Variants in C15orf40 observed in about 807,000 individuals in gnomAD.
C15orf40 encodes the protein chromosome 15 open reading frame 40, also known as UPF0235 protein C15orf40.
C15orf40 carries 9 observed loss-of-function variants against 13.9 expected under a neutral mutation model. The observed-to-expected ratio is 0.65, with a 90% CI of 0.39 to 1.13. C15orf40 has a LOEUF of 1.13. Among genes scored for constraint, C15orf40 ranks in the 50% most tolerant of loss-of-function variants. The pLI, the probability that C15orf40 is intolerant of heterozygous loss-of-function variation, is 0.01. For synonymous variants in C15orf40, 95 were observed against 69.2 expected (o/e 1.37, Z -1.85); for missense variants, 225 against 188.5 (o/e 1.19, Z -1.13).
At chr15:83,006,290 A>G (rs1180117314) in intron 3 of C15orf40, 1 of 779,260 alleles carries the variant, frequency 1.3e-6, no homozygotes, top group Non-Finnish European at 1.6e-6. Context: ...TTAAAAATGA[A>G]AATCATCTTT....
chr15:82,989,074 T>A (rs145249302), downstream of C15orf40: 57 of 1,613,820 alleles, frequency 3.5e-5, no homozygotes, highest in African/African-American at 7.2e-4. Context: ...GCTAGTAGAT[T>A]CACAGAAAAT....
Position 83,004,827 on chromosome 15 carries a change from G to C in C15orf40, c.*770C>G. The C allele has an allele frequency of 7.8e-7, 1 of 1,278,510 alleles. No individual in the cohort carries two copies. Among genetic ancestry groups the C allele is most frequent in the Non-Finnish European group, 1.0e-6 (1 of 972,650 alleles). 79.2% of individuals were successfully genotyped at this position (1,278,510 alleles called of 1,614,324 possible). On this transcript the variant is annotated 3_prime_UTR_variant, in exon 4 of 4. Transcript: ENST00000304177. The stretch of plus-strand genomic sequence containing the variant: ...TTTCTGTCACTTGTAAACTGGATTA[G>C]AAGGCAATCCCCAGAATTCCAGAAC...
At chr15:83,005,730 C>T in intron 3 of C15orf40, 38 bp from the exon 4 acceptor site, 3 of 1,596,436 alleles carry the variant, frequency 1.9e-6, no homozygotes, top group Non-Finnish European at 2.6e-6. Flanking sequence ...TACTGTTTAG[C>T]ACATTCTAAT....
chr15:83,005,114 T>G lies in C15orf40; in HGVS notation c.*483A>C. ...CCAGGCTGTTTGGGGTTTGGGATTT[T>G]AGAACCTGATGCAATGTATAGCACT... On this transcript the variant is annotated 3_prime_UTR_variant, in exon 4 of 4. Transcript: ENST00000304177. The G allele has an allele frequency of 8.8e-7, 1 of 1,132,178 alleles. No individual in the cohort carries two copies. Among genetic ancestry groups the G allele is most frequent in the Non-Finnish European group, 1.1e-6 (1 of 903,220 alleles). The allele number at this position is 1,132,178 out of a possible 1,614,324, so 70.1% of individuals were successfully genotyped here.
intron 3 of C15orf40, among the ~76,000 whole-genome samples, chr15:83,007,108 AGAGT>A (rs1200347377): frequency 6.6e-6 from 1 of 152,128 alleles, no homozygotes; most frequent in African/African-American, 2.4e-5. Context: ...CAAGAAGCCT[AGAGT>A]GATACCCAGG....
rs1283883149 is a variant in C15orf40, at chr15:83,003,062, G to C, written c.*2535C>G. 6.6e-6 allele frequency: 1 copy of C among 151,900 alleles called. No homozygotes were observed. The highest frequency in any genetic ancestry group is 1.5e-5 in the Non-Finnish European group (1 of 68,088). 9.4% of individuals were successfully genotyped at this position (151,900 alleles called of 1,614,324 possible). A position where few individuals can be genotyped will look rare whatever the true frequency, so the allele number is the denominator to read the frequency against. On this transcript the variant is annotated 3_prime_UTR_variant, in exon 4 of 4. Coordinates refer to ENST00000304177, the MANE Select transcript of C15orf40 (RefSeq NM_144597.3). The stretch of plus-strand genomic sequence containing the variant: ...CCTGACCTCGTGATCTGCCTGCCTC[G>C]GCCTCCCAAAGCGCTGGAATTACAG...
intron 2 of C15orf40, 83 bp from the exon 3 acceptor site, chr15:83,008,758 C>T (rs2031840387): frequency 1.4e-6 from 2 of 1,435,220 alleles, no homozygotes; most frequent in Admixed American, 4.7e-5. Context: ...AGAGTTTTTG[C>T]ATTTGCCTGG....
chr15:82,989,810 C>T, downstream of C15orf40: 1 of 1,543,894 alleles, frequency 6.5e-7, no homozygotes. Flanking sequence ...ACCAGAAGCA[C>T]TGCTATGGGT....
Position 83,011,584 on chromosome 15 carries a change from C to T in C15orf40, c.24G>A (p.Leu8=), listed in dbSNP as rs1174119906. The T allele has an allele frequency of 6.3e-7, 1 of 1,594,268 alleles. No homozygotes were observed. The highest frequency in any genetic ancestry group is 1.1e-5 in the South Asian group (1 of 89,200). The change falls in exon 1 of 4, where the codon CTG becomes CTA. Residue 8 remains leucine, a synonymous_variant. Transcript: ENST00000304177. ...TATTGGGTGTTGCCCGAAGGTGCCT[C>T]AGCCCGCTGCGGAGCCGCAGCATCC... MLRLRSG[L]RHLRATPNTR...
chr15:83,010,390 AG>A, intron 1 of C15orf40, 27 bp from the exon 2 acceptor site: 1 of 1,613,356 alleles, frequency 6.2e-7, no homozygotes, highest in Admixed American at 1.7e-5. Flanking sequence ...ACAACTTTAC[AG>A]GTTACAAAAT....
At chr15:83,005,780 T>TGG in intron 3 of C15orf40, 88 bp from the exon 4 acceptor site, 1 of 1,452,688 alleles carries the variant, frequency 6.9e-7, no homozygotes. Context: ...TAATGGGCTC[T>TGG]CCTGATGGCT....
In C15orf40 at chr15:83,004,608, G is replaced by C. The variant is rs2031574742; in HGVS notation, c.*989C>G. 1.1e-6 allele frequency: 1 copy of C among 899,602 alleles called. No homozygotes were observed. Among genetic ancestry groups the C allele is most frequent in the Non-Finnish European group, 1.3e-6 (1 of 750,874 alleles). The allele number at this position is 899,602 out of a possible 1,614,324, so 55.7% of individuals were successfully genotyped here. ...ACTACTGAATTTGCTGATTATTTAAGTTATTAGAGGAAGATGAAAATTCAG... is the reference window on the plus strand; with the variant it reads ...ACTACTGAATTTGCTGATTATTTAACTTATTAGAGGAAGATGAAAATTCAG... On this transcript the variant is annotated 3_prime_UTR_variant, in exon 4 of 4. Transcript: ENST00000304177.
At chr15:82,990,330 A>G, downstream of C15orf40, 1 of 253,846 alleles carries the variant, frequency 3.9e-6, no homozygotes. Flanking sequence ...AGTTTGGTAT[A>G]TTATTTGACC....
chr15:83,010,216 C>T (rs2151293180), intron 2 of C15orf40, 21 bp downstream of exon 2: 2 of 1,613,816 alleles, frequency 1.2e-6, no homozygotes, highest in South Asian at 1.1e-5. Flanking sequence ...ACTTGAATCC[C>T]ACCCCAGTGT....
rs941981972 is a variant in C15orf40 at position 82,998,902 on chromosome 15, A to T, written c.*6695T>A. The stretch of plus-strand genomic sequence containing the variant: ...CACCATTGAGCACTGAGTGAACGAG[A>T]CTCCGTCTGCAATCCCGGCACCTCG... On this transcript the variant is annotated 3_prime_UTR_variant, in exon 4 of 4. Transcript: ENST00000304177. 1.6e-4 allele frequency: 21 copies of T among 131,150 alleles called. No homozygotes were observed. The South Asian group carries it at 4.7e-3, about 29-fold the overall frequency. 8.1% of individuals were successfully genotyped at this position (131,150 alleles called of 1,614,324 possible).
chr15:83,006,415 AAGT>A (rs2031682145), intron 3 of C15orf40: 2 of 985,278 alleles, frequency 2.0e-6, no homozygotes, highest in African/African-American at 3.5e-5. Context: ...TCCAAACAAA[AAGT>A]AGCCACATAT....
chr15:83,010,457 C>A (rs779695356), intron 1 of C15orf40, 94 bp from the exon 2 acceptor site: 49 of 1,458,616 alleles, frequency 3.4e-5, no homozygotes, highest in Non-Finnish European at 4.6e-5. Context: ...CCTTAACAGA[C>A]AAACTAGGCT....
At chr15:82,992,045 G>A (rs1411271014), downstream of C15orf40, 1 of 579,972 alleles carries the variant, frequency 1.7e-6, no homozygotes, top group Non-Finnish European at 2.9e-6. Context: ...GCAAGATCCT[G>A]TCTCTACAGA....
intron 3 of C15orf40, chr15:83,007,911 G>A (rs1205974855): frequency 6.6e-6 from 1 of 152,538 alleles, no homozygotes; most frequent in African/African-American, 2.4e-5. Context: ...ATAAAATAAG[G>A]CCAGGCGCAG....
Sources: gnomAD v4.1 joint callset for allele counts (sites outside exome capture counted in the v4.1 genomes callset) on GRCh38, gnomAD v4.1.1 for gene constraint, MANE v1.5 for transcripts, NCBI Gene and HGNC (gene_info 2026-07-23, HGNC 2026-07-21) for gene names.